DLGAP3: variants seen among roughly 807,000 people sequenced by gnomAD.
DLGAP3 encodes DLG associated protein 3.
DLGAP3 carries 17 observed loss-of-function variants against 81.2 expected under a neutral mutation model. The observed-to-expected ratio is 0.21, with a 90% CI of 0.14 to 0.31. The LOEUF is 0.31. Ranked by LOEUF, DLGAP3 falls within the 10% of genes least tolerant of loss-of-function variation. The pLI is 1.00. For synonymous variants in DLGAP3, 577 were observed against 587.4 expected, an observed-to-expected ratio of 0.98 and a Z score of 0.26; for missense variants, 1,124 against 1,388.0, an observed-to-expected ratio of 0.81 and a Z score of 3.02.
chr1:34,917,557 G>C (rs1285694367), intron 1 of DLGAP3, among the ~76,000 whole-genome samples: 4 of 151,918 alleles, frequency 2.6e-5, no homozygotes, highest in African/African-American at 9.7e-5. Context: ...TGTTGCCCCA[G>C]CTGGTCTTGA....
chr1:34,885,585 G>A lies in DLGAP3; in HGVS notation c.1807C>T (p.Arg603Trp), dbSNP rs1467432297. 1.3e-6 allele frequency: 2 copies of A among 1,597,490 alleles called. No individual in the cohort carries two copies. Among genetic ancestry groups the A allele is most frequent in the African/African-American group, 1.3e-5 (1 of 74,828 alleles). ...RTLELAPVPP[R>W]ASPKPPTLII... is the part of the protein sequence containing the mutation. ...AGTGTGGGGGGCTTGGGGCTGGCCCGGGGCGGCACCGGCGCCAACTCCAGT... is the reference window on the plus strand; with the variant it reads ...AGTGTGGGGGGCTTGGGGCTGGCCCAGGGCGGCACCGGCGCCAACTCCAGT... The change falls in exon 7 of 12, where the codon CGG (arginine) becomes TGG (tryptophan). Residue 603 changes from arginine (R) to tryptophan (W), a missense_variant. By Grantham distance (101) the Arg-to-Trp change is moderately radical. Around this residue, in one of 9 missense-constraint regions of DLGAP3, gnomAD observed 379 missense variants for 455.7 expected, o/e 0.83. Coordinates refer to ENST00000373347, the MANE Select transcript of DLGAP3 (RefSeq NM_001080418.3).
At chr1:34,896,368 C>G (rs1052891604) in intron 5 of DLGAP3, among the ~76,000 whole-genome samples, 4 of 152,128 alleles carry the variant, frequency 2.6e-5, no homozygotes, top group Non-Finnish European at 5.9e-5. Context: ...GAGTGGATCA[C>G]CTGATATCAG....
intron 1 of DLGAP3, among the ~76,000 whole-genome samples, chr1:34,914,816 G>A (rs989489618): frequency 2.0e-5 from 3 of 152,186 alleles, no homozygotes; most frequent in African/African-American, 7.2e-5. Context: ...ATCCATACAT[G>A]ACTTGGTTTG....
At position 34,866,289 on chromosome 1, in the gene DLGAP3, C is replaced by G. The variant is rs566251521; in HGVS notation, c.2734G>C (p.Val912Leu). 5.9e-6 allele frequency: 9 copies of G among 1,526,890 alleles called. No individual in the cohort carries two copies. Among genetic ancestry groups the G allele is most frequent in the South Asian group, 1.2e-5 (1 of 83,728 alleles). The allele number at this position is 1,526,890 out of a possible 1,614,324, so 94.6% of individuals were successfully genotyped here. The change falls in exon 12 of 12, where the codon GTC (valine) becomes CTC (leucine). Residue 912 changes from valine (V) to leucine (L), a missense_variant. Coordinates refer to ENST00000373347, the MANE Select transcript of DLGAP3 (RefSeq NM_001080418.3). ...GGCTTCTTTGGTATCGGCGGAGGGA[C>G]CTTCTTCTCCTCCTGCGGGGCAGAG... ...KLLEPKEEKK[V>L]PPPIPKKPLR...
chr1:34,886,873 A>G lies in DLGAP3; in HGVS notation c.1387-588T>C, dbSNP rs1569619034. Among the ~76,000 whole-genome samples the G allele has an allele frequency of 2.0e-5, 3 of 146,552 alleles. No individual in the cohort carries two copies. The South Asian group carries it at 6.7e-4, about 33-fold the overall frequency. On this transcript the variant is annotated intron_variant, in intron 5 of 11. Coordinates refer to ENST00000373347, the MANE Select transcript of DLGAP3 (RefSeq NM_001080418.3). ...TATATATAAAATACCAACTGGCAGG[A>G]TGGAAACTAATGCGTAAGTGATGGA...
intron 1 of DLGAP3, among the ~76,000 whole-genome samples, chr1:34,908,908 T>G (rs2148414710): frequency 6.6e-6 from 1 of 152,278 alleles, no homozygotes; most frequent in South Asian, 2.1e-4. Flanking sequence ...ACAGAGGGAA[T>G]ATCAGATCAA....
intron 8 of DLGAP3, among the ~76,000 whole-genome samples, chr1:34,870,430 G>C (rs1048801385): frequency 1.3e-5 from 2 of 152,078 alleles, no homozygotes; most frequent in African/African-American, 4.8e-5. Context: ...CCAGCTCTAG[G>C]GTCCCTCCAC....
At chr1:34,872,063 C>T (rs1037668276) in intron 8 of DLGAP3, among the ~76,000 whole-genome samples, 9 of 152,170 alleles carry the variant, frequency 5.9e-5, no homozygotes, top group South Asian at 2.1e-4. Context: ...AAAAGAACAA[C>T]GGATCCAAGA....
chr1:34,878,819 C>G (rs1049118148), intron 8 of DLGAP3, among the ~76,000 whole-genome samples: 14 of 152,222 alleles, frequency 9.2e-5, no homozygotes, highest in African/African-American at 3.1e-4. Context: ...GCCTGTAATC[C>G]CAGCACTTTG....
At chr1:34,883,344 C>T (rs527300250) in intron 8 of DLGAP3, among the ~76,000 whole-genome samples, 1 of 152,292 alleles carries the variant, frequency 6.6e-6, no homozygotes, top group East Asian at 1.9e-4. Context: ...TAGCAAGAGT[C>T]TCAGCTAGAA....
Position 34,913,787 on chromosome 1 carries a change from A to C in DLGAP3, c.-134-6350T>G, listed in dbSNP as rs184468483. Among the ~76,000 whole-genome samples, 286 of 152,288 alleles carry C rather than the reference A, an allele frequency of 1.9e-3. 2 individuals carry two copies. The highest frequency in any genetic ancestry group is 3.4e-3 in the Non-Finnish European group (229 of 68,022). On this transcript the variant is annotated intron_variant, in intron 1 of 11. Coordinates refer to ENST00000373347, the MANE Select transcript of DLGAP3 (RefSeq NM_001080418.3). ...CTCCTATGTACAACGGCCCACAGAA[A>C]GGACCTCCACTCCTTTCTCTTCAAA...
At position 34,900,050 on chromosome 1, in the gene DLGAP3, G is replaced by A. The variant is rs368752815; in HGVS notation, c.1313+18C>T. ...TCAGCCTCCTGACCCCGCACCCCCCGGCCCTCCCTGTCCTTACTTGATCCT... is the reference window on the plus strand; with the variant it reads ...TCAGCCTCCTGACCCCGCACCCCCCAGCCCTCCCTGTCCTTACTTGATCCT... On this transcript the variant is annotated intron_variant, in intron 4 of 11. Transcript: ENST00000373347. The surrounding 1 kb of genome is among the most constrained non-coding windows in gnomAD (Gnocchi z 5.6). 3.4e-5 allele frequency: 55 copies of A among 1,608,558 alleles called. No homozygotes were observed. Among genetic ancestry groups the A allele is most frequent in the East Asian group, 1.6e-4 (7 of 44,858 alleles).
chr1:34,872,134 G>A (rs1638989973), intron 8 of DLGAP3, among the ~76,000 whole-genome samples: 1 of 152,194 alleles, frequency 6.6e-6, no homozygotes, highest in African/African-American at 2.4e-5. Context: ...AGCTCATAGA[G>A]GAGACTAAGC....
Position 34,869,088 on chromosome 1 carries a change from G to T in DLGAP3, c.2002C>A (p.Arg668=). The part of the protein sequence containing the change: ...IGVQVEEDKR[R]ARFKRSNSVT... ...CTATTGGAGCGCTTGAACCTTGCTC[G>T]CCTGGGGAGAGGGGTGGCTGTCATC... The change falls in exon 9 of 12, where the codon CGA becomes AGA. Residue 668 remains arginine (R), a splice_region_variant and synonymous_variant. Transcript: ENST00000373347. The T allele has an allele frequency of 5.7e-6, 9 of 1,586,974 alleles. No individual in the cohort carries two copies. Among genetic ancestry groups the T allele is most frequent in the Non-Finnish European group, 7.7e-6 (9 of 1,171,372 alleles).
Position 34,904,295 on chromosome 1 carries a change from C to T in DLGAP3, c.1089G>A (p.Arg363=), listed in dbSNP as rs2148411859. 1.2e-6 allele frequency: 2 copies of T among 1,605,966 alleles called. No homozygotes were observed. Among genetic ancestry groups the T allele is most frequent in the Middle Eastern group, 1.7e-4 (1 of 6,060 alleles). Residue 363 remains arginine, a synonymous_variant, in exon 3 of 12, where the codon AGG becomes AGA. Coordinates refer to ENST00000373347, the MANE Select transcript of DLGAP3 (RefSeq NM_001080418.3). The surrounding 1 kb of genome is among the most constrained non-coding windows in gnomAD (Gnocchi z 8.1). ...LLGPETKAKA[R]TYHYLQVPQD... is the part of the protein sequence containing the mutation. ...GCCTCACCTGCAGATAGTGATAAGT[C>T]CTGGCTTTGGCCTTGGTCTCCGGAC...
chr1:34,885,069 G>A lies in DLGAP3; in HGVS notation c.1915-6C>T. On this transcript the variant is annotated splice_polypyrimidine_tract_variant and splice_region_variant and intron_variant, in intron 7 of 11. Coordinates refer to ENST00000373347, the MANE Select transcript of DLGAP3 (RefSeq NM_001080418.3). ...GAATCTGAGATCGTCTCCACCTGGT[G>A]GCAGGGTGGAGGAGTCAGTGGCTGT... 2 of 1,611,120 alleles carry A rather than the reference G, an allele frequency of 1.2e-6. No individual in the cohort carries two copies. Among genetic ancestry groups the A allele is most frequent in the Non-Finnish European group, 1.7e-6 (2 of 1,177,974 alleles).
intron 8 of DLGAP3, among the ~76,000 whole-genome samples, chr1:34,880,094 G>A (rs1476129433): frequency 3.3e-5 from 5 of 151,994 alleles, no homozygotes; most frequent in Non-Finnish European, 5.9e-5. Flanking sequence ...GAGTCTCAGA[G>A]ACAGGCTGAA....
At chr1:34,876,972 C>A (rs564954573) in intron 8 of DLGAP3, among the ~76,000 whole-genome samples, 1 of 152,312 alleles carries the variant, frequency 6.6e-6, no homozygotes, top group South Asian at 2.1e-4. Context: ...CCACTCACAC[C>A]CTAAACGCAT....
chr1:34,878,302 C>G (rs1360036796), intron 8 of DLGAP3, among the ~76,000 whole-genome samples: 1 of 151,454 alleles, frequency 6.6e-6, no homozygotes, highest in South Asian at 2.1e-4. Context: ...CAAGACTCAT[C>G]TCAAAAAAAT....
Sources: gnomAD v4.1 joint callset for allele counts (sites outside exome capture counted in the v4.1 genomes callset) on GRCh38, gnomAD v4.1.1 for gene constraint, gnomAD v4.1.1 regional missense constraint, Gnocchi (gnomAD v3.1) non-coding constraint, MANE v1.5 for transcripts, NCBI Gene and HGNC (gene_info 2026-07-23, HGNC 2026-07-21) for gene names.